The following GPAT4 variants were observed in gnomAD, a reference collection of about 807,000 sequenced individuals.
GPAT4 encodes glycerol-3-phosphate acyltransferase 4.
GPAT4 carries 17 observed loss-of-function variants against 58.0 expected under a neutral mutation model. The ratio of observed to expected loss-of-function variants is 0.29; its 90% CI spans 0.20 to 0.44. The LOEUF (loss-of-function observed/expected upper bound fraction) is 0.44. GPAT4 is among the 20% of genes least tolerant of loss of function. The pLI is 1.00. For synonymous variants in GPAT4, 204 were observed against 210.1 expected, an observed-to-expected ratio of 0.97 and a Z score of 0.25; for missense variants, 377 against 574.5, an observed-to-expected ratio of 0.66 and a Z score of 3.51.
intron 10 of GPAT4, among the ~76,000 whole-genome samples, chr8:41,617,082 C>A (rs537861935): frequency 6.6e-6 from 1 of 152,196 alleles, no homozygotes; most frequent in Non-Finnish European, 1.5e-5. Flanking sequence ...AACGACATGA[C>A]CAGATGCAGT....
intron 10 of GPAT4, among the ~76,000 whole-genome samples, chr8:41,615,894 A>G (rs2150505769): frequency 6.6e-6 from 1 of 152,192 alleles, no homozygotes; most frequent in East Asian, 1.9e-4. Flanking sequence ...GTGCCACTGG[A>G]GAGGTGTTGC....
chr8:41,601,423 A>G (rs1803091831), intron 2 of GPAT4, among the ~76,000 whole-genome samples: 1 of 152,236 alleles, frequency 6.6e-6, no homozygotes, highest in African/African-American at 2.4e-5. Flanking sequence ...AGCAGCACAC[A>G]GGATCCCTGC....
intron 10 of GPAT4, among the ~76,000 whole-genome samples, chr8:41,616,441 G>A (rs2150506126): frequency 6.6e-6 from 1 of 152,276 alleles, no homozygotes; most frequent in East Asian, 1.9e-4. Context: ...GATTACAGGT[G>A]CACACCACCA....
intron 1 of GPAT4, among the ~76,000 whole-genome samples, chr8:41,594,318 T>A (rs1214200025): frequency 6.6e-6 from 1 of 152,208 alleles, no homozygotes; most frequent in Non-Finnish European, 1.5e-5. Flanking sequence ...CCTTTTAATG[T>A]AGGTAAAAAT....
rs370488130 is a variant in GPAT4, at chr8:41,612,163, A to G, written c.702-17A>G. 17 of 1,613,956 alleles carry G rather than the reference A, an allele frequency of 1.1e-5. No homozygotes were observed. The African/African-American group carries it at 2.0e-4, about 19-fold the overall frequency. The stretch of plus-strand genomic sequence containing the variant: ...TTCACACTAATTTTGGTTGCTTTGC[A>G]TACATTTTAAACCCAGGGAAAACAG... On this transcript the variant is annotated splice_polypyrimidine_tract_variant and intron_variant, in intron 6 of 12. Coordinates refer to ENST00000396987, the MANE Select transcript of GPAT4 (RefSeq NM_178819.4).
In GPAT4 at chr8:41,615,278, C is replaced by T. The variant is rs144947983; in HGVS notation, c.1053+230C>T. Among the ~76,000 whole-genome samples, 35 of 152,306 alleles carry T rather than the reference C, an allele frequency of 2.3e-4. No homozygotes were observed. In the East Asian group the frequency reaches 5.8e-3, roughly 25 times the overall value. On this transcript the variant is annotated intron_variant, in intron 10 of 12. Coordinates refer to ENST00000396987, the MANE Select transcript of GPAT4 (RefSeq NM_178819.4). The stretch of plus-strand genomic sequence containing the variant: ...GTGGAATGGGGGACAGCCAGATTCC[C>T]GCCTGCATGCTGCTGCCGCCACCAT...
intron 10 of GPAT4, among the ~76,000 whole-genome samples, chr8:41,616,127 G>T (rs1803588656): frequency 6.6e-6 from 1 of 152,228 alleles, no homozygotes; most frequent in Non-Finnish European, 1.5e-5. Context: ...TCTGCATCCT[G>T]CATTCTGGCA....
At chr8:41,616,452 C>T (rs561888134) in intron 10 of GPAT4, among the ~76,000 whole-genome samples, 18 of 152,216 alleles carry the variant, frequency 1.2e-4, no homozygotes, top group Non-Finnish European at 1.3e-4. Flanking sequence ...CACACCACCA[C>T]ACCTGGCTAA....
chr8:41,609,441 G>C lies in GPAT4; in HGVS notation c.191G>C (p.Gly64Ala), dbSNP rs1803375553. The C allele has an allele frequency of 6.2e-6, 10 of 1,614,144 alleles. No individual in the cohort carries two copies. Among genetic ancestry groups the C allele is most frequent in the Non-Finnish European group, 8.5e-6 (10 of 1,180,022 alleles). Residue 64 changes from glycine to alanine, a missense_variant, in exon 3 of 13, where the codon GGA becomes GCA. Gly to Ala is a moderately conservative substitution (Grantham distance 60). Transcript: ENST00000396987. ...FAWATLRMERGAKEKNHQLYK... is the reference protein window; with the variant it reads ...FAWATLRMERAAKEKNHQLYK... ...TGGGCTACCTTGAGAATGGAGCGAG[G>C]AGCCAAGGAGAAGAACCACCAGCTT...
At position 41,609,717 on chromosome 8, in the gene GPAT4, A is replaced by G. The variant is rs1803386062; in HGVS notation, c.298A>G (p.Ser100Gly). 3 of 1,613,986 alleles carry G rather than the reference A, an allele frequency of 1.9e-6. No individual in the cohort carries two copies. Among genetic ancestry groups the G allele is most frequent in the Admixed American group, 3.3e-5 (2 of 60,008 alleles). The change falls in exon 4 of 13, where the codon AGT becomes GGT. Residue 100 changes from serine to glycine, a missense_variant. By Grantham distance (56) the Ser-to-Gly change is moderately conservative. Transcript: ENST00000396987. Reference protein sequence around the residue: ...EEIKEIRRSGSSKALDNTPEF... With the variant: ...EEIKEIRRSGGSKALDNTPEF... ...GATCAAAGAGATTCGTCGAAGTGGT[A>G]GTAGTAAGGCTCTGGACAACACTCC...
chr8:41,610,083 CG>C, intron 4 of GPAT4, 128 bp downstream of exon 4: 1 of 1,484,058 alleles, frequency 6.7e-7, no homozygotes, highest in South Asian at 1.4e-5. Flanking sequence ...AGCCAGGCCA[CG>C]TGACTCTTTG....
At chr8:41,579,731 G>T (rs1187549968) in intron 1 of GPAT4, among the ~76,000 whole-genome samples, 2 of 152,042 alleles carry the variant, frequency 1.3e-5, no homozygotes, top group Non-Finnish European at 2.9e-5. Flanking sequence ...CCAGCTACTC[G>T]GGAGGCTGAG....
chr8:41,612,642 A>G (rs1159875526), intron 7 of GPAT4: 2 of 573,078 alleles, frequency 3.5e-6, no homozygotes, highest in East Asian at 5.7e-5. Context: ...TTAATTACCT[A>G]TTTCTAGTAT....
chr8:41,605,934 G>A (rs1346961429), intron 2 of GPAT4, among the ~76,000 whole-genome samples: 1 of 152,146 alleles, frequency 6.6e-6, no homozygotes, highest in East Asian at 1.9e-4. Context: ...GGATCGGAGG[G>A]AAGCAAGAGG....
chr8:41,613,023 G>C, intron 8 of GPAT4, 63 bp downstream of exon 8: 1 of 1,418,524 alleles, frequency 7.0e-7, no homozygotes, highest in Non-Finnish European at 9.8e-7. Context: ...TTTCAGGGTA[G>C]TTATCCCTCC....
In GPAT4 at chr8:41,612,961, G is replaced by T. The variant is rs778109201; in HGVS notation, c.911+1G>T. 1 of 1,613,734 alleles carries T rather than the reference G, an allele frequency of 6.2e-7. No individual in the cohort carries two copies. The highest frequency in any genetic ancestry group is 1.7e-5 in the Admixed American group (1 of 60,004). On this transcript the variant is annotated splice_donor_variant, in intron 8 of 12. Coordinates refer to ENST00000396987, the MANE Select transcript of GPAT4 (RefSeq NM_178819.4). LOFTEE classifies it high-confidence loss of function. ...AGGATCGCCACCTGGTGGCTAAGAG[G>T]TAATGGACAGAACACTGCTGTTCTG...
intron 1 of GPAT4, among the ~76,000 whole-genome samples, chr8:41,585,135 G>T (rs148809073): frequency 1.3e-5 from 2 of 152,168 alleles, no homozygotes; most frequent in East Asian, 3.8e-4. Context: ...TACCAGTCCC[G>T]ATACACTCGA....
At chr8:41,588,499 C>G (rs1455316680) in intron 1 of GPAT4, among the ~76,000 whole-genome samples, 1 of 151,896 alleles carries the variant, frequency 6.6e-6, no homozygotes, top group African/African-American at 2.4e-5. Flanking sequence ...TTCCTTTTCT[C>G]TCTTCTCTCT....
At chr8:41,612,377 G>A in intron 7 of GPAT4, 104 bp downstream of exon 7, 1 of 1,137,240 alleles carries the variant, frequency 8.8e-7, no homozygotes, top group Non-Finnish European at 1.3e-6. Context: ...TTATGCGTGG[G>A]CCAGGCCCCC....
Sources: allele counts gnomAD v4.1 joint callset (sites outside exome capture counted in the v4.1 genomes callset), GRCh38; gene constraint gnomAD v4.1.1; transcripts MANE v1.5; gene names NCBI Gene and HGNC (gene_info 2026-07-23, HGNC 2026-07-21).